Variants in ATP7A observed in about 807,000 individuals in gnomAD.
The protein encoded by ATP7A is ATPase copper transporting alpha.
ATP7A carries 7 observed loss-of-function variants against 83.5 expected under a neutral mutation model. That is an observed-to-expected ratio of 0.08 (90% CI 0.05 to 0.16). The LOEUF (loss-of-function observed/expected upper bound fraction) is 0.16. Among genes scored for constraint, ATP7A ranks in the 10% least tolerant of loss-of-function variants. ATP7A has a pLI of 1.00. For missense variants in ATP7A, 940 were observed against 1,120.8 expected (o/e 0.84, Z 2.30); for synonymous variants, 354 against 395.2 (o/e 0.90, Z 1.24).
In ATP7A at chrX:78,014,722, G is replaced by C; in HGVS notation, c.2467G>C (p.Val823Leu). The change falls in exon 11 of 23, where the codon GTA (valine) becomes CTA (leucine). Residue 823 changes from valine (V) to leucine (L), a missense_variant. Val to Leu is a conservative substitution (Grantham distance 32, BLOSUM62 1). Transcript: ENST00000341514. ...ISLQATEATI[V>L]TLDSDNILLS... ...ACTACAAGCTACAGAAGCAACTATT[G>C]TAACTCTTGATTCTGATAATATCCT... 8.3e-7 allele frequency: 1 copy of C among 1,205,021 alleles called. No homozygotes were observed. Among genetic ancestry groups the C allele is most frequent in the Non-Finnish European group, 1.1e-6 (1 of 890,276 alleles).
intron 2 of ATP7A, among the ~76,000 whole-genome samples, chrX:77,972,200 GT>G (rs1191366177): frequency 1.8e-5 from 2 of 108,420 alleles, no homozygotes; most frequent in Admixed American, 9.9e-5. Context: ...TTTATTTTTA[GT>G]TTTTTTTTCA....
In ATP7A at chrX:77,965,877, A is replaced by T. The variant is rs1443455596; in HGVS notation, c.-21-5744A>T. ...CACTGAAAACATGCTACATGAAAGA[A>T]GTCAGTCACAAAAGACCACATATTA... On this transcript the variant is annotated intron_variant, in intron 1 of 22. Coordinates refer to ENST00000341514, the MANE Select transcript of ATP7A (RefSeq NM_000052.7). 5.3e-5 allele frequency among the ~76,000 whole-genome samples: 6 copies of T among 112,346 alleles called. No individual in the cohort carries two copies. The Admixed American group carries it at 5.7e-4, about 11-fold the overall frequency.
chrX:78,024,037 A>G (rs1209785875), intron 14 of ATP7A, among the ~76,000 whole-genome samples: 1 of 111,396 alleles, frequency 9.0e-6, no homozygotes, highest in East Asian at 2.8e-4. Flanking sequence ...TCCCAGCACC[A>G]TATATTGAAT....
At chrX:78,029,156 A>T in intron 14 of ATP7A, 94 bp from the exon 15 acceptor site, 1 of 961,932 alleles carries the variant, frequency 1.0e-6, no homozygotes, top group Non-Finnish European at 1.5e-6. Context: ...GTCACTTTTT[A>T]AATTGTGGTT....
At chrX:77,978,895 G>A (rs782090985) in intron 2 of ATP7A, among the ~76,000 whole-genome samples, 19 of 111,057 alleles carry the variant, frequency 1.7e-4, no homozygotes, top group Non-Finnish European at 2.8e-4. Flanking sequence ...GCGATGGTGC[G>A]ATCTCGGCTC....
intron 2 of ATP7A, chrX:77,975,946 A>G (rs1431850116): frequency 8.9e-6 from 1 of 111,948 alleles, no homozygotes; most frequent in Non-Finnish European, 1.9e-5. Context: ...ATTGGTGGTA[A>G]TTCTATTTGC....
chrX:78,016,775 G>C (rs2077867733), intron 12 of ATP7A, among the ~76,000 whole-genome samples: 1 of 112,656 alleles, frequency 8.9e-6, no homozygotes, highest in African/African-American at 3.2e-5. Flanking sequence ...GCTGATGCAA[G>C]AAGTGGGCTC....
chrX:77,996,520 A>T (rs1483634400), intron 4 of ATP7A, among the ~76,000 whole-genome samples: 1 of 111,205 alleles, frequency 9.0e-6, no homozygotes, highest in African/African-American at 3.3e-5. Context: ...ACCTTTTCAC[A>T]CCCTTACTGT....
At chrX:78,036,118 T>C (rs1369421547) in intron 17 of ATP7A, among the ~76,000 whole-genome samples, 3 of 111,750 alleles carry the variant, frequency 2.7e-5, no homozygotes, top group African/African-American at 9.8e-5. Context: ...CAAGATAAAC[T>C]AAGTTCTTAT....
chrX:77,915,236 G>A (rs2077178985), intron 1 of ATP7A, among the ~76,000 whole-genome samples: 1 of 110,784 alleles, frequency 9.0e-6, no homozygotes, highest in Admixed American at 9.7e-5. Flanking sequence ...GATCGCTTGA[G>A]CCTGGAAGGT....
At chrX:77,951,823 C>T (rs782047253) in intron 1 of ATP7A, among the ~76,000 whole-genome samples, 1 of 111,800 alleles carries the variant, frequency 8.9e-6, no homozygotes, top group Non-Finnish European at 1.9e-5. Context: ...TCAGGTGATC[C>T]GCCTGCCTTG....
At chrX:77,993,551 T>G (rs1224080527) in intron 4 of ATP7A, among the ~76,000 whole-genome samples, 1 of 111,962 alleles carries the variant, frequency 8.9e-6, no homozygotes, top group African/African-American at 3.2e-5. Context: ...AGAAATTTGA[T>G]TGAAGGCAAT....
chrX:78,037,980 G>GTTT lies in ATP7A; in HGVS notation c.3512-832_3512-830dup, dbSNP rs782643561. On this transcript the variant is annotated intron_variant, in intron 17 of 22. Coordinates refer to ENST00000341514, the MANE Select transcript of ATP7A (RefSeq NM_000052.7). Reference sequence around the variant, plus strand: ...AGAGAGGTGGGTGAGATCAAGAAAGGTTTTTTTTTTTTTTTTTTTTTTTTT... The same window carrying GTTT: ...AGAGAGGTGGGTGAGATCAAGAAAGGTTTTTTTTTTTTTTTTTTTTTTTTTTTT... Among the ~76,000 whole-genome samples, 302 of 51,195 alleles carry GTTT rather than the reference G, an allele frequency of 5.9e-3. 45 individuals are homozygous for GTTT. Among genetic ancestry groups the GTTT allele is most frequent in the African/African-American group, 0.03 (289 of 9,767 alleles). 44.5% of individuals were successfully genotyped at this position (51,195 alleles called of 115,157 possible).
Position 77,999,066 on chromosome X carries a change from G to A in ATP7A, c.1543+382G>A, listed in dbSNP as rs1253702883. 7.5e-5 allele frequency among the ~76,000 whole-genome samples: 8 copies of A among 106,296 alleles called. No homozygotes were observed. The Admixed American group carries it at 8.2e-4, about 11-fold the overall frequency. The allele number at this position is 106,296 out of a possible 115,157, so 92.3% of individuals were successfully genotyped here. On this transcript the variant is annotated intron_variant, in intron 5 of 22. Coordinates refer to ENST00000341514, the MANE Select transcript of ATP7A (RefSeq NM_000052.7). ...GGCTGGAGTGGAGTGGCGCGATCTCGGCTCACTGCAACCTCTGCCTCCTGG... is the reference window on the plus strand; with the variant it reads ...GGCTGGAGTGGAGTGGCGCGATCTCAGCTCACTGCAACCTCTGCCTCCTGG...
intron 2 of ATP7A, among the ~76,000 whole-genome samples, chrX:77,976,561 A>G (rs1285035110): frequency 8.9e-6 from 1 of 111,767 alleles, no homozygotes; most frequent in East Asian, 2.8e-4. Flanking sequence ...GAGTCCTATG[A>G]AGTGTGGTGC....
At chrX:78,029,632 A>G (rs1341907151) in intron 15 of ATP7A, among the ~76,000 whole-genome samples, 188 bp downstream of exon 15, 1 of 112,042 alleles carries the variant, frequency 8.9e-6, no homozygotes, top group East Asian at 2.8e-4. Flanking sequence ...TTTGTTACCT[A>G]AGATTCCTAA....
At chrX:77,972,741 A>G (rs2077556029) in intron 2 of ATP7A, among the ~76,000 whole-genome samples, 1 of 110,779 alleles carries the variant, frequency 9.0e-6, no homozygotes, top group Non-Finnish European at 1.9e-5. Flanking sequence ...GACTCAAGTG[A>G]TCCTCCCACC....
intron 1 of ATP7A, among the ~76,000 whole-genome samples, chrX:77,951,027 G>GA (rs1463775223): frequency 9.1e-6 from 1 of 110,221 alleles, no homozygotes; most frequent in Non-Finnish European, 1.9e-5. Context: ...TCTCAAAAAA[G>GA]AAAAAAATTA....
At chrX:78,041,512 T>C (rs2078048551) in intron 19 of ATP7A, among the ~76,000 whole-genome samples, 1 of 109,765 alleles carries the variant, frequency 9.1e-6, no homozygotes, top group African/African-American at 3.3e-5. Context: ...GGACCTCAGG[T>C]GATCCGCCCG....
Sources: gnomAD v4.1 joint callset for allele counts (sites outside exome capture counted in the v4.1 genomes callset) on GRCh38, gnomAD v4.1.1 for gene constraint, MANE v1.5 for transcripts, NCBI Gene and HGNC (gene_info 2026-07-23, HGNC 2026-07-21) for gene names.